FBXL17: variants seen among roughly 807,000 people sequenced by gnomAD.
The protein encoded by FBXL17 is F-box/LRR-repeat protein 17.
In FBXL17, 22 loss-of-function variants were observed where a neutral mutation model predicts 66.2. That is an observed-to-expected ratio of 0.33 (90% CI 0.24 to 0.47). The LOEUF (loss-of-function observed/expected upper bound fraction) is 0.47, where lower values mean the gene tolerates loss of function less well. Among genes scored for constraint, FBXL17 ranks in the 20% least tolerant of loss-of-function variants. FBXL17 has a pLI of 1.00. For missense variants in FBXL17, 878 were observed against 948.2 expected, an observed-to-expected ratio of 0.93 and a Z score of 0.97; for synonymous variants, 474 against 400.5, an observed-to-expected ratio of 1.18 and a Z score of -2.19.
chr5:108,257,823 G>A (rs1462128011), intron 4 of FBXL17, among the ~76,000 whole-genome samples: 2 of 152,030 alleles, frequency 1.3e-5, no homozygotes, highest in African/African-American at 2.4e-5. Flanking sequence ...TAATTTTTTT[G>A]AAAGAAAGAC....
chr5:107,859,133 C>T lies in FBXL17; in HGVS notation c.*2587G>A, dbSNP rs1482588767. The T allele has an allele frequency of 1.3e-5, 2 of 152,056 alleles. No homozygotes were observed. Among genetic ancestry groups the T allele is most frequent in the Non-Finnish European group, 2.9e-5 (2 of 67,980 alleles). 9.4% of individuals were successfully genotyped at this position (152,056 alleles called of 1,614,324 possible). A position where few individuals can be genotyped will look rare whatever the true frequency, so the allele number is the denominator to read the frequency against. On this transcript the variant is annotated 3_prime_UTR_variant, in exon 9 of 9. Coordinates refer to ENST00000542267, the MANE Select transcript of FBXL17 (RefSeq NM_001163315.3). ...AATTTTCTTTATCCACTCAAAAAGA[C>T]ATTAAAGACAAAGGACCAGAATTTT...
chr5:108,304,694 A>G (rs1288186954), intron 4 of FBXL17, among the ~76,000 whole-genome samples: 2 of 152,136 alleles, frequency 1.3e-5, no homozygotes, highest in East Asian at 3.9e-4. Flanking sequence ...TATCAATACA[A>G]GAAAGAAAAT....
intron 4 of FBXL17, among the ~76,000 whole-genome samples, chr5:108,337,114 G>C (rs1760421317): frequency 6.6e-6 from 1 of 151,840 alleles, no homozygotes; most frequent in East Asian, 1.9e-4. Context: ...AAATTAGCTG[G>C]GCGTGGTGGT....
At chr5:108,327,550 C>A (rs1759916439) in intron 4 of FBXL17, among the ~76,000 whole-genome samples, 1 of 152,090 alleles carries the variant, frequency 6.6e-6, no homozygotes, top group African/African-American at 2.4e-5. Context: ...AATGAATGGA[C>A]TGGAACACCC....
At chr5:108,344,459 T>C (rs1440129986) in intron 4 of FBXL17, among the ~76,000 whole-genome samples, 1 of 152,174 alleles carries the variant, frequency 6.6e-6, no homozygotes, top group African/African-American at 2.4e-5. Flanking sequence ...GAGTAATCTA[T>C]AATAGTTTAC....
chr5:107,863,777 C>A (rs1274348919), intron 8 of FBXL17, among the ~76,000 whole-genome samples: 1 of 152,184 alleles, frequency 6.6e-6, no homozygotes, highest in Non-Finnish European at 1.5e-5. Context: ...ATCAAGAAGA[C>A]TAATGATTTC....
At chr5:108,201,802 T>C (rs1753905819) in intron 5 of FBXL17, among the ~76,000 whole-genome samples, 1 of 148,794 alleles carries the variant, frequency 6.7e-6, no homozygotes, top group African/African-American at 2.5e-5. Context: ...AGAGTGACAC[T>C]GATCCTTAAA....
At chr5:108,196,092 T>A (rs1394870052) in intron 5 of FBXL17, among the ~76,000 whole-genome samples, 1 of 152,086 alleles carries the variant, frequency 6.6e-6, no homozygotes, top group Admixed American at 6.6e-5. Context: ...TTAAGTTAGC[T>A]AGGTAGAAAG....
At chr5:107,953,884 C>T (rs899753684) in intron 7 of FBXL17, among the ~76,000 whole-genome samples, 3 of 152,184 alleles carry the variant, frequency 2.0e-5, no homozygotes, top group South Asian at 4.1e-4. Context: ...TTTCTCTTTC[C>T]TCTAAAATCA....
At chr5:108,329,104 A>T (rs1759997969) in intron 4 of FBXL17, among the ~76,000 whole-genome samples, 1 of 152,140 alleles carries the variant, frequency 6.6e-6, no homozygotes, top group Non-Finnish European at 1.5e-5. Flanking sequence ...TTATGTAAGA[A>T]CTTCTGTTTA....
intron 4 of FBXL17, among the ~76,000 whole-genome samples, chr5:108,306,442 C>A (rs897472973): frequency 6.6e-6 from 1 of 152,094 alleles, no homozygotes; most frequent in African/African-American, 2.4e-5. Context: ...TACCCGGTTT[C>A]TAACCTTGTA....
rs574334591 is a variant in FBXL17, at chr5:108,240,255, T to C, written c.1507-16027A>G. Among the ~76,000 whole-genome samples, 8 of 152,268 alleles carry C rather than the reference T, an allele frequency of 5.3e-5. No individual in the cohort carries two copies. In the South Asian group the frequency reaches 1.2e-3, roughly 24 times the overall value. ...GTTGGGTAGAGCAACAAGTGGTCTA[T>C]TGGCATCCCTGATTCCAGGCATTAG... On this transcript the variant is annotated intron_variant, in intron 4 of 8. Coordinates refer to ENST00000542267, the MANE Select transcript of FBXL17 (RefSeq NM_001163315.3).
At chr5:107,936,376 C>T (rs998946465) in intron 7 of FBXL17, among the ~76,000 whole-genome samples, 1 of 151,882 alleles carries the variant, frequency 6.6e-6, no homozygotes. Flanking sequence ...CAAGATTACT[C>T]AATTTACTGT....
intron 6 of FBXL17, among the ~76,000 whole-genome samples, chr5:108,053,446 C>G (rs1428180659): frequency 6.6e-6 from 1 of 151,870 alleles, no homozygotes; most frequent in African/African-American, 2.4e-5. Flanking sequence ...TGAAAAAAAG[C>G]TCAATAGATT....
rs1293551695 is a variant in FBXL17 at position 107,860,971 on chromosome 5, C to A, written c.*749G>T. The A allele has an allele frequency of 2.0e-5, 3 of 152,122 alleles. No individual in the cohort carries two copies. The highest frequency in any genetic ancestry group is 4.4e-5 in the Non-Finnish European group (3 of 68,020). 9.4% of individuals were successfully genotyped at this position (152,122 alleles called of 1,614,324 possible). A position where few individuals can be genotyped will look rare whatever the true frequency, so the allele number is the denominator to read the frequency against. On this transcript the variant is annotated 3_prime_UTR_variant, in exon 9 of 9. Transcript: ENST00000542267. ...AGCTAACACAATGTTAACATAAAAC[C>A]AACTAAAATATTTAGTGCTCAACAG...
intron 6 of FBXL17, among the ~76,000 whole-genome samples, chr5:108,049,520 T>C (rs1747390483): frequency 6.6e-6 from 1 of 152,054 alleles, no homozygotes; most frequent in Non-Finnish European, 1.5e-5. Flanking sequence ...TAATATCCTT[T>C]CCAGACAAGC....
rs1423420128 is a variant in FBXL17 at position 108,213,468 on chromosome 5, C to G, written c.1614+10653G>C. On this transcript the variant is annotated intron_variant, in intron 5 of 8. Transcript: ENST00000542267. ...CTCCTGGTTTGCAGATTGCAAAGACCATGGGACAAGCGCAGTATCTGTGCT... is the reference window on the plus strand; with the variant it reads ...CTCCTGGTTTGCAGATTGCAAAGACGATGGGACAAGCGCAGTATCTGTGCT... Among the ~76,000 whole-genome samples, 3 of 152,328 alleles carry G rather than the reference C, an allele frequency of 2.0e-5. No individual in the cohort carries two copies. In the East Asian group the frequency reaches 5.8e-4, roughly 29 times the overall value.
intron 6 of FBXL17, among the ~76,000 whole-genome samples, chr5:108,051,746 G>T (rs1217479708): frequency 6.6e-6 from 1 of 152,090 alleles, no homozygotes; most frequent in Non-Finnish European, 1.5e-5. Flanking sequence ...GGAGGCTGAG[G>T]TGGGCAAATC....
chr5:108,375,185 C>T lies in FBXL17; in HGVS notation c.993+5514G>A, dbSNP rs1217395137. Among the ~76,000 whole-genome samples, 3 of 152,100 alleles carry T rather than the reference C, an allele frequency of 2.0e-5. No homozygotes were observed. In the East Asian group the frequency reaches 5.8e-4, roughly 29 times the overall value. On this transcript the variant is annotated intron_variant, in intron 1 of 8. Transcript: ENST00000542267. ...CCTGGAAAACATAGCAAGACCCTGTCTCTACAAAAATTATTTAAGAAATTA... is the reference window on the plus strand; with the variant it reads ...CCTGGAAAACATAGCAAGACCCTGTTTCTACAAAAATTATTTAAGAAATTA...
Sources: allele counts gnomAD v4.1 joint callset (sites outside exome capture counted in the v4.1 genomes callset), GRCh38; gene constraint gnomAD v4.1.1; transcripts MANE v1.5; gene names NCBI Gene and HGNC (gene_info 2026-07-23, HGNC 2026-07-21).